The following XYLT1 variants were observed in gnomAD, a reference collection of about 807,000 sequenced individuals.
The protein encoded by XYLT1 is beta-D-xylosyltransferase 1.
Under a neutral mutation model 91.3 loss-of-function variants are expected in XYLT1, and 36 were observed. That is an observed-to-expected ratio of 0.39 (90% confidence interval 0.30 to 0.52). XYLT1 has a LOEUF of 0.52. XYLT1 is among the 20% of genes least tolerant of loss of function. XYLT1 has a pLI of 0.68. For synonymous variants in XYLT1, 588 were observed against 532.0 expected, an observed-to-expected ratio of 1.11 and a Z score of -1.45; for missense variants, 1,242 against 1,284.5, an observed-to-expected ratio of 0.97 and a Z score of 0.51.
intron 3 of XYLT1, among the ~76,000 whole-genome samples, chr16:17,231,446 T>C (rs571989522): frequency 2.6e-5 from 4 of 152,316 alleles, no homozygotes; most frequent in African/African-American, 9.6e-5. Context: ...GCCACATCAG[T>C]TGAGCTGTGT....
chr16:17,225,441 C>T (rs2033045930), intron 3 of XYLT1, among the ~76,000 whole-genome samples: 1 of 152,128 alleles, frequency 6.6e-6, no homozygotes, highest in Non-Finnish European at 1.5e-5. Flanking sequence ...AGCATGAGCT[C>T]AGGTTACAAA....
At chr16:17,252,787 A>G (rs866986424) in intron 3 of XYLT1, among the ~76,000 whole-genome samples, 6 of 152,266 alleles carry the variant, frequency 3.9e-5, no homozygotes, top group Non-Finnish European at 5.9e-5. Context: ...AACATTTAAA[A>G]TCTATTTCTC....
rs1567273516 is a variant in XYLT1 at position 17,105,925 on chromosome 16, AAAAAC to A, written c.*2765_*2769del. 3.9e-5 allele frequency: 6 copies of A among 152,116 alleles called. No homozygotes were observed. The highest frequency in any genetic ancestry group is 7.2e-5 in the African/African-American group (3 of 41,426). 9.4% of individuals were successfully genotyped at this position (152,116 alleles called of 1,614,324 possible). A position where few individuals can be genotyped will look rare whatever the true frequency, so the allele number is the denominator to read the frequency against. ...TTTGTTTGGGATTTTCCTTAAAAAA[AAAAAC>A]AAAACACAAAAACACAACAAATGTA... is the stretch of plus-strand genomic sequence containing the variant. On this transcript the variant is annotated 3_prime_UTR_variant, in exon 12 of 12. Coordinates refer to ENST00000261381, the MANE Select transcript of XYLT1 (RefSeq NM_022166.4).
intron 1 of XYLT1, among the ~76,000 whole-genome samples, chr16:17,466,869 A>G (rs2036904339): frequency 6.6e-6 from 1 of 151,672 alleles, no homozygotes; most frequent in Non-Finnish European, 1.5e-5. Context: ...CTCAAACAAA[A>G]CAAAACTCCA....
rs947011978 is a variant in XYLT1, at chr16:17,166,188, G to A, written c.1290-7279C>T. On this transcript the variant is annotated intron_variant, in intron 5 of 11. Coordinates refer to ENST00000261381, the MANE Select transcript of XYLT1 (RefSeq NM_022166.4). Reference sequence around the variant, plus strand: ...GGAAAGGACCTTCTGTCAAGCAACGGGGTCAGGGCAGAACCATCCTCTCCC... The same window carrying A: ...GGAAAGGACCTTCTGTCAAGCAACGAGGTCAGGGCAGAACCATCCTCTCCC... Among the ~76,000 whole-genome samples the A allele has an allele frequency of 4.6e-5, 7 of 152,224 alleles. No individual in the cohort carries two copies. The South Asian group carries it at 1.2e-3, about 27-fold the overall frequency.
chr16:17,320,369 C>T (rs1441560918), intron 2 of XYLT1, among the ~76,000 whole-genome samples: 1 of 152,104 alleles, frequency 6.6e-6, no homozygotes, highest in Admixed American at 6.6e-5. Flanking sequence ...CTATGAAGAC[C>T]CTCAAACACA....
intron 2 of XYLT1, among the ~76,000 whole-genome samples, chr16:17,289,170 T>C (rs1230251462): frequency 6.6e-6 from 1 of 152,188 alleles, no homozygotes; most frequent in Non-Finnish European, 1.5e-5. Context: ...ACCCTGCCAT[T>C]GTAGAGTGAA....
chr16:17,151,382 C>A (rs1469089122), intron 6 of XYLT1, among the ~76,000 whole-genome samples: 1 of 152,128 alleles, frequency 6.6e-6, no homozygotes, highest in Admixed American at 6.5e-5. Flanking sequence ...GCTGAGATTG[C>A]ACTCCAGCCT....
chr16:17,165,284 G>A (rs1261790825), intron 5 of XYLT1, among the ~76,000 whole-genome samples: 1 of 152,142 alleles, frequency 6.6e-6, no homozygotes, highest in Non-Finnish European at 1.5e-5. Context: ...ATATAAACGG[G>A]AACATGTATA....
chr16:17,167,696 C>CTAACCCATCTTTCCATCTCGTGAAT (rs2031730095), intron 5 of XYLT1, among the ~76,000 whole-genome samples: 1 of 97,728 alleles, frequency 1.0e-5, no homozygotes, highest in Non-Finnish European at 2.1e-5. Context: ...ATCTCGTGAA[C>CTAACCCATCTTTCCATCTCGTGAAT]GGATTCTAAC....
At chr16:17,271,274 T>C (rs2033886074) in intron 2 of XYLT1, among the ~76,000 whole-genome samples, 2 of 151,946 alleles carry the variant, frequency 1.3e-5, no homozygotes, top group African/African-American at 2.4e-5. Flanking sequence ...TCCACAGTTA[T>C]GGCCACAATA....
intron 3 of XYLT1, among the ~76,000 whole-genome samples, chr16:17,204,988 A>AG (rs2032615483): frequency 6.7e-6 from 1 of 148,950 alleles, no homozygotes; most frequent in African/African-American, 2.5e-5. Context: ...AAAAAAAAAA[A>AG]AAGAATTTAA....
intron 1 of XYLT1, among the ~76,000 whole-genome samples, chr16:17,469,864 G>A (rs900420006): frequency 1.3e-5 from 2 of 152,132 alleles, no homozygotes; most frequent in Non-Finnish European, 1.5e-5. Context: ...CCAGAGAAGA[G>A]AAACAGAAGA....
At chr16:17,212,357 A>C (rs1317674662) in intron 3 of XYLT1, among the ~76,000 whole-genome samples, 2 of 152,140 alleles carry the variant, frequency 1.3e-5, no homozygotes, top group Non-Finnish European at 2.9e-5. Context: ...TTCTAACTTA[A>C]TTAGTTTGGT....
chr16:17,153,021 T>G (rs1004563483), intron 6 of XYLT1, among the ~76,000 whole-genome samples: 4 of 152,010 alleles, frequency 2.6e-5, no homozygotes, highest in African/African-American at 4.8e-5. Context: ...TGAGAGTTAT[T>G]GAACATAAGA....
In XYLT1 at chr16:17,138,362, C is replaced by T. The variant is rs150799107; in HGVS notation, c.1757G>A (p.Arg586His). 2.4e-5 allele frequency: 39 copies of T among 1,611,046 alleles called. No homozygotes were observed. Among genetic ancestry groups the T allele is most frequent in the Middle Eastern group, 3.5e-4 (2 of 5,678 alleles). ...PNDFKPQDFH[R>H]FQQTARPTFF... ...ACCATGAGAAAGTCTCACCTGGAAG[C>T]GGTGGAAGTCCTGCGGCTTGAAGTC... The change falls in exon 8 of 12, where the codon CGC (arginine) becomes CAC (histidine). Residue 586 changes from arginine (R) to histidine (H), a missense_variant. This residue lies in a region of XYLT1 where 511 missense variants were observed against 497.0 expected (regional missense o/e 1.03). Coordinates refer to ENST00000261381, the MANE Select transcript of XYLT1 (RefSeq NM_022166.4).
At chr16:17,327,733 G>C (rs574655257) in intron 2 of XYLT1, among the ~76,000 whole-genome samples, 1 of 151,260 alleles carries the variant, frequency 6.6e-6, no homozygotes, top group South Asian at 2.1e-4. Context: ...TTATAACTAC[G>C]TCTTGGAATA....
At chr16:17,300,012 G>A (rs939480674) in intron 2 of XYLT1, among the ~76,000 whole-genome samples, 1 of 152,166 alleles carries the variant, frequency 6.6e-6, no homozygotes, top group Non-Finnish European at 1.5e-5. Flanking sequence ...AAGCCTGGTA[G>A]GGAAATACCA....
chr16:17,320,482 CTTTTTTTT>C (rs11430162), intron 2 of XYLT1, among the ~76,000 whole-genome samples: 1 of 134,440 alleles, frequency 7.4e-6, no homozygotes, highest in Non-Finnish European at 1.6e-5. Context: ...GGAAAAGTTT[CTTTTTTTT>C]TTTTTTTTGA....
Sources: gnomAD v4.1 joint callset for allele counts (sites outside exome capture counted in the v4.1 genomes callset) on GRCh38, gnomAD v4.1.1 for gene constraint, gnomAD v4.1.1 regional missense constraint, MANE v1.5 for transcripts, NCBI Gene and HGNC (gene_info 2026-07-23, HGNC 2026-07-21) for gene names.